Variants in SYNPR observed in about 807,000 individuals in gnomAD.
SYNPR encodes synaptoporin.
SYNPR carries 23 observed loss-of-function variants against 32.9 expected under a neutral mutation model. The ratio of observed to expected loss-of-function variants is 0.70; its 90% CI spans 0.50 to 0.99. The LOEUF (loss-of-function observed/expected upper bound fraction) is 0.99, where lower values mean the gene tolerates loss of function less well. SYNPR is among the 50% of genes least tolerant of loss of function. The pLI, the probability that SYNPR is intolerant of heterozygous loss-of-function variation, is 0.00. For missense variants in SYNPR, 318 were observed against 349.3 expected, an observed-to-expected ratio of 0.91 and a Z score of 0.71; for synonymous variants, 146 against 135.9, an observed-to-expected ratio of 1.07 and a Z score of -0.52.
intron 3 of SYNPR, among the ~76,000 whole-genome samples, chr3:63,551,579 C>T (rs1047753314): frequency 4.6e-5 from 7 of 152,214 alleles, no homozygotes; most frequent in African/African-American, 1.7e-4. Flanking sequence ...TCCTTACCAA[C>T]ACTTATAATT....
chr3:63,492,783 C>A (rs564305609), intron 3 of SYNPR, among the ~76,000 whole-genome samples: 1 of 151,920 alleles, frequency 6.6e-6, no homozygotes, highest in Non-Finnish European at 1.5e-5. Flanking sequence ...AGCTTTACAC[C>A]CTAGAAGAAC....
intron 1 of SYNPR, among the ~76,000 whole-genome samples, chr3:63,245,318 G>A (rs1480876206): frequency 7.0e-6 from 1 of 143,848 alleles, no homozygotes; most frequent in East Asian, 1.9e-4. Context: ...TCAAATGAAA[G>A]AAATGTTATT....
At chr3:63,606,075 G>A (rs72889275) in intron 4 of SYNPR, among the ~76,000 whole-genome samples, 2,983 of 152,260 alleles carry the variant, frequency 0.02, 52 homozygotes, top group South Asian at 0.086. Flanking sequence ...TCCTACAAGA[G>A]GGTTACTGTT....
chr3:63,474,677 G>A (rs1700866589), intron 2 of SYNPR, among the ~76,000 whole-genome samples: 1 of 152,032 alleles, frequency 6.6e-6, no homozygotes, highest in African/African-American at 2.4e-5. Context: ...CTTTATTCCT[G>A]GGAGATTTGT....
At chr3:63,240,547 A>C (rs773412519) in intron 1 of SYNPR, among the ~76,000 whole-genome samples, 13 of 152,086 alleles carry the variant, frequency 8.5e-5, no homozygotes, top group Non-Finnish European at 1.8e-4. Context: ...AGGTGTGGCA[A>C]TATGTCTGGA....
At chr3:63,459,455 G>A (rs1353391684) in intron 2 of SYNPR, among the ~76,000 whole-genome samples, 1 of 152,014 alleles carries the variant, frequency 6.6e-6, no homozygotes, top group African/African-American at 2.4e-5. Flanking sequence ...TACATATTTT[G>A]CCATGTGATT....
chr3:63,419,280 C>G (rs901304644), intron 2 of SYNPR, among the ~76,000 whole-genome samples: 1 of 152,166 alleles, frequency 6.6e-6, no homozygotes, highest in African/African-American at 2.4e-5. Flanking sequence ...CCTCCCTGCC[C>G]CAGCCTCAAA....
chr3:63,397,147 T>C (rs2088226617), intron 2 of SYNPR, among the ~76,000 whole-genome samples: 1 of 147,948 alleles, frequency 6.8e-6, no homozygotes, highest in African/African-American at 2.5e-5. Context: ...AATATGGTGA[T>C]GGGGAAGGGA....
At chr3:63,334,317 T>C (rs1438302202) in intron 2 of SYNPR, among the ~76,000 whole-genome samples, 2 of 152,214 alleles carry the variant, frequency 1.3e-5, no homozygotes, top group African/African-American at 4.8e-5. Context: ...CTTTGGCAAG[T>C]GGCCCACCTG....
At chr3:63,425,394 T>G (rs904937846) in intron 2 of SYNPR, among the ~76,000 whole-genome samples, 3 of 152,164 alleles carry the variant, frequency 2.0e-5, no homozygotes, top group African/African-American at 7.2e-5. Context: ...GAGGTATAGG[T>G]TAACTTGTTA....
intron 2 of SYNPR, among the ~76,000 whole-genome samples, chr3:63,345,840 ACT>A (rs371794079): frequency 3.6e-4 from 54 of 151,040 alleles, no homozygotes; most frequent in African/African-American, 1.2e-3. Flanking sequence ...TTTGAGATGG[ACT>A]CTTGTTCTGT....
At chr3:63,274,652 C>G (rs1449345283), upstream of SYNPR, among the ~76,000 whole-genome samples, 1 of 152,174 alleles carries the variant, frequency 6.6e-6, no homozygotes, top group African/African-American at 2.4e-5. Flanking sequence ...TTTACAGTAT[C>G]TAGAACAGTA....
At chr3:63,226,100 A>G (rs889673500), upstream of SYNPR, among the ~76,000 whole-genome samples, 1 of 152,232 alleles carries the variant, frequency 6.6e-6, no homozygotes, top group Admixed American at 6.5e-5. Flanking sequence ...AATGTTCAAC[A>G]TCCCTGATAA....
At chr3:63,504,786 T>C (rs1407759059) in intron 3 of SYNPR, among the ~76,000 whole-genome samples, 1 of 152,126 alleles carries the variant, frequency 6.6e-6, no homozygotes, top group Non-Finnish European at 1.5e-5. Context: ...TCAAAGACTA[T>C]CGAGGTTAAT....
chr3:63,324,727 G>A (rs973368441), intron 2 of SYNPR, among the ~76,000 whole-genome samples: 20 of 152,064 alleles, frequency 1.3e-4, no homozygotes, highest in Non-Finnish European at 4.4e-5. Context: ...TGCCTGCAGT[G>A]GAATCTGCTC....
rs1367781196 is a variant in SYNPR at position 63,357,914 on chromosome 3, A to C, written c.84+79172A>C. On this transcript the variant is annotated intron_variant, in intron 2 of 5. Transcript: ENST00000478300. ...ACACAGCCACATTTTTCCGGGAAGG[A>C]GTAGCATTTAATTGTCATCTTATAG... Among the ~76,000 whole-genome samples, 3 of 152,322 alleles carry C rather than the reference A, an allele frequency of 2.0e-5. 1 individual carries two copies. Among genetic ancestry groups the C allele is most frequent in the Admixed American group, 1.3e-4 (2 of 15,294 alleles).
intron 2 of SYNPR, among the ~76,000 whole-genome samples, chr3:63,433,450 A>G (rs1700026379): frequency 6.6e-6 from 1 of 152,210 alleles, no homozygotes; most frequent in African/African-American, 2.4e-5. Flanking sequence ...TCTGCGTGAG[A>G]ATGAACAGTT....
intron 2 of SYNPR, among the ~76,000 whole-genome samples, chr3:63,466,095 T>C (rs1005794669): frequency 6.6e-6 from 1 of 152,188 alleles, no homozygotes; most frequent in African/African-American, 2.4e-5. Flanking sequence ...GTGTGTGTTG[T>C]TCTCCTCTAT....
chr3:63,449,158 T>C (rs1700335034), intron 2 of SYNPR, among the ~76,000 whole-genome samples: 1 of 152,132 alleles, frequency 6.6e-6, no homozygotes, highest in Non-Finnish European at 1.5e-5. Flanking sequence ...AGATAAAGAA[T>C]AAACAGAGAA....
Sources: gnomAD v4.1 joint callset for allele counts (sites outside exome capture counted in the v4.1 genomes callset) on GRCh38, gnomAD v4.1.1 for gene constraint, MANE v1.5 for transcripts, NCBI Gene and HGNC (gene_info 2026-07-23, HGNC 2026-07-21) for gene names.